Variants in CD52 observed in about 807,000 individuals in gnomAD.
CD52 encodes CAMPATH-1 antigen.
CD52 carries 2 observed loss-of-function variants against 2.5 expected under a neutral mutation model. The ratio of observed to expected loss-of-function variants is 0.79; its 90% CI spans 0.32 to 2.48. The LOEUF (loss-of-function observed/expected upper bound fraction) is 2.48, where lower values mean the gene tolerates loss of function less well. Among genes scored for constraint, CD52 ranks in the 30% most tolerant of loss-of-function variants. CD52 has a pLI of 0.11. For missense variants in CD52, 62 were observed against 75.8 expected (o/e 0.82, Z 0.68); for synonymous variants, 24 against 27.7 (o/e 0.87, Z 0.42).
At position 26,320,237 on chromosome 1, in the gene CD52, A is replaced by T. The variant is rs2073840452; in HGVS notation, c.121A>T (p.Ile41Leu). ...CAGCAGCCCCTCAGCATCCAGCAAC[A>T]TAAGCGGAGGCATTTTCCTTTTCTT... ...QTSSPSASSN[I>L]SGGIFLFFVA... The change falls in exon 2 of 2, where the codon ATA becomes TTA. Residue 41 changes from isoleucine (I) to leucine (L), a missense_variant. Ile to Leu is a conservative substitution (Grantham distance 5, BLOSUM62 2). Coordinates refer to ENST00000374213, the MANE Select transcript of CD52 (RefSeq NM_001803.3). 6.2e-7 allele frequency: 1 copy of T among 1,613,804 alleles called. No individual in the cohort carries two copies. Among genetic ancestry groups the T allele is most frequent in the African/African-American group, 1.3e-5 (1 of 74,978 alleles).
rs146201400 is a variant in CD52 at position 26,319,464 on chromosome 1, G to GAA, written c.55-694_55-693dup. On this transcript the variant is annotated intron_variant, in intron 1 of 1. Transcript: ENST00000374213. ...GGCGACAGAGCAAGACTCTGTCTCGGAAAAAAAAAAAAAATTAGCTGGGCG... is the reference window on the plus strand; with the variant it reads ...GGCGACAGAGCAAGACTCTGTCTCGGAAAAAAAAAAAAAAAATTAGCTGGGCG... 3.9e-3 allele frequency among the ~76,000 whole-genome samples: 525 copies of GAA among 134,156 alleles called. 9 individuals are homozygous for GAA. The highest frequency in any genetic ancestry group is 0.025 in the East Asian group (113 of 4,506). The allele number at this position is 134,156 out of a possible 152,430, so 88.0% of individuals were successfully genotyped here. A position where few individuals can be genotyped will look rare whatever the true frequency, so the allele number is the denominator to read the frequency against.
At position 26,320,135 on chromosome 1, in the gene CD52, A is replaced by G. The variant is rs778940482; in HGVS notation, c.55-36A>G. ...ACTCCACCTCTAAAAAAAAAAAAAA[A>G]AGTCCCCTGATCTTATCCCACTTCT... is the stretch of plus-strand genomic sequence containing the variant. On this transcript the variant is annotated intron_variant, in intron 1 of 1. Transcript: ENST00000374213. The G allele has an allele frequency of 7.6e-6, 12 of 1,579,652 alleles. No individual in the cohort carries two copies. In the African/African-American group the frequency reaches 1.5e-4, roughly 20 times the overall value.
At position 26,320,043 on chromosome 1, in the gene CD52, C is replaced by G. The variant is rs2073837095; in HGVS notation, c.55-128C>G. ...GCTGAGGCAGGAGAATCACTTGAAC[C>G]CGGGAGGTGGAGGATGCAGTGAGCC... On this transcript the variant is annotated intron_variant, in intron 1 of 1. Coordinates refer to ENST00000374213, the MANE Select transcript of CD52 (RefSeq NM_001803.3). 9.6e-6 allele frequency: 11 copies of G among 1,149,636 alleles called. No individual in the cohort carries two copies. The South Asian group carries it at 1.6e-4, about 17-fold the overall frequency. The allele number at this position is 1,149,636 out of a possible 1,614,324, so 71.2% of individuals were successfully genotyped here.
chr1:26,318,038 CCTA>C lies in CD52; in HGVS notation c.24_26del (p.Leu9del). The C allele has an allele frequency of 6.2e-7, 1 of 1,614,200 alleles. No individual in the cohort carries two copies. The highest frequency in any genetic ancestry group is 2.2e-5 in the East Asian group (1 of 44,886). On this transcript the variant is annotated inframe_deletion, in exon 1 of 2. Transcript: ENST00000374213. ...CCAAAATGAAGCGCTTCCTCTTCCTCCTACTCACCATCAGCCTCCTGGTTATGG... is the reference window on the plus strand; with the variant it reads ...CCAAAATGAAGCGCTTCCTCTTCCTCCTCACCATCAGCCTCCTGGTTATGG...
In CD52 at chr1:26,318,151, C is replaced by T. The variant is rs933411620; in HGVS notation, c.54+80C>T. 3 of 1,160,896 alleles carry T rather than the reference C, an allele frequency of 2.6e-6. No individual in the cohort carries two copies. The African/African-American group carries it at 4.6e-5, about 18-fold the overall frequency. 71.9% of individuals were successfully genotyped at this position (1,160,896 alleles called of 1,614,324 possible). On this transcript the variant is annotated intron_variant, in intron 1 of 1. Transcript: ENST00000374213. Reference sequence around the variant, plus strand: ...AGGGAGGGCATACAGGATGTGAGCTCCCAGAGACCCAGCCTTCTCTCCTGA... The same window carrying T: ...AGGGAGGGCATACAGGATGTGAGCTTCCAGAGACCCAGCCTTCTCTCCTGA...
rs1190995951 is a variant in CD52 at position 26,320,161 on chromosome 1, C to T, written c.55-10C>T. 6.2e-7 allele frequency: 1 copy of T among 1,608,880 alleles called. No homozygotes were observed. Among genetic ancestry groups the T allele is most frequent in the Non-Finnish European group, 8.5e-7 (1 of 1,178,576 alleles). On this transcript the variant is annotated splice_polypyrimidine_tract_variant and intron_variant, in intron 1 of 1. Transcript: ENST00000374213. ...AGTCCCCTGATCTTATCCCACTTCT[C>T]CTCCTACAGATACAAACTGGACTCT...
intron 1 of CD52, chr1:26,318,363 T>G: frequency 2.8e-6 from 1 of 357,052 alleles, no homozygotes; most frequent in East Asian, 4.8e-5. Context: ...TGTGGAATAA[T>G]AGAGAACTAA....
At chr1:26,318,390 AC>A in intron 1 of CD52, 1 of 260,886 alleles carries the variant, frequency 3.8e-6, no homozygotes, top group South Asian at 7.3e-5. Context: ...TGGGAAGACA[AC>A]CCTGAGTGAG....
At position 26,320,484 on chromosome 1, in the gene CD52, T is replaced by A; in HGVS notation, c.*182T>A. 1 of 696,640 alleles carries A rather than the reference T, an allele frequency of 1.4e-6. No homozygotes were observed. Among genetic ancestry groups the A allele is most frequent in the Non-Finnish European group, 2.3e-6 (1 of 435,260 alleles). The allele number at this position is 696,640 out of a possible 1,614,324, so 43.2% of individuals were successfully genotyped here. A position where few individuals can be genotyped will look rare whatever the true frequency, so the allele number is the denominator to read the frequency against. On this transcript the variant is annotated 3_prime_UTR_variant, in exon 2 of 2. Transcript: ENST00000374213. ...GGGTAATGATGTAGGGGCCAAGCAGTGCCCAGCTGGGGGTCAATAAAGTTA... is the reference window on the plus strand; with the variant it reads ...GGGTAATGATGTAGGGGCCAAGCAGAGCCCAGCTGGGGGTCAATAAAGTTA...
At chr1:26,319,896 TGGATCAC>T (rs2073835743) in intron 1 of CD52, among the ~76,000 whole-genome samples, 2 of 151,658 alleles carry the variant, frequency 1.3e-5, no homozygotes, top group Middle Eastern at 3.2e-3. Flanking sequence ...CCGAGGCGGG[TGGATCAC>T]CAGGTCAGGA....
In CD52 at chr1:26,320,494, G is replaced by T; in HGVS notation, c.*192G>T. 1.5e-6 allele frequency: 1 copy of T among 648,080 alleles called. No homozygotes were observed. The highest frequency in any genetic ancestry group is 2.5e-6 in the Non-Finnish European group (1 of 397,014). 40.1% of individuals were successfully genotyped at this position (648,080 alleles called of 1,614,324 possible). On this transcript the variant is annotated 3_prime_UTR_variant, in exon 2 of 2. Coordinates refer to ENST00000374213, the MANE Select transcript of CD52 (RefSeq NM_001803.3). ...GTAGGGGCCAAGCAGTGCCCAGCTG[G>T]GGGTCAATAAAGTTACCCTTGTACT...
At chr1:26,319,537 G>C (rs1013004184) in intron 1 of CD52, among the ~76,000 whole-genome samples, 5 of 151,568 alleles carry the variant, frequency 3.3e-5, no homozygotes, top group Non-Finnish European at 4.4e-5. Context: ...TTGAGGGGTG[G>C]AGGTTGCAGT....
chr1:26,320,001 T>C lies in CD52; in HGVS notation c.55-170T>C, dbSNP rs185385387. Among the ~76,000 whole-genome samples, 93 of 151,402 alleles carry C rather than the reference T, an allele frequency of 6.1e-4. No individual in the cohort carries two copies. The East Asian group carries it at 0.016, about 25-fold the overall frequency. ...CGGGCGTGGTGGCACGTGCCTATAG[T>C]CCCAGCTACTCAGGAGGCTGAGGCA... On this transcript the variant is annotated intron_variant, in intron 1 of 1. Coordinates refer to ENST00000374213, the MANE Select transcript of CD52 (RefSeq NM_001803.3).
chr1:26,320,122 A>G lies in CD52; in HGVS notation c.55-49A>G, dbSNP rs757244037. The G allele has an allele frequency of 2.6e-5, 19 of 743,256 alleles. No individual in the cohort carries two copies. The South Asian group carries it at 4.6e-4, about 18-fold the overall frequency. The allele number at this position is 743,256 out of a possible 1,614,324, so 46.0% of individuals were successfully genotyped here. On this transcript the variant is annotated intron_variant, in intron 1 of 1. Transcript: ENST00000374213. ...GTGACAGAGTGAGACTCCACCTCTA[A>G]AAAAAAAAAAAAAAGTCCCCTGATC...
rs754442377 is a variant in CD52, at chr1:26,320,325, C to T, written c.*23C>T. ...TGAGGTGACACGTCTCAGCCTTAGC[C>T]CTGTGCCCCCTGAAACAGCTGCCAC... On this transcript the variant is annotated 3_prime_UTR_variant, in exon 2 of 2. Transcript: ENST00000374213. 1 of 1,589,426 alleles carries T rather than the reference C, an allele frequency of 6.3e-7. No homozygotes were observed. Among genetic ancestry groups the T allele is most frequent in the Admixed American group, 1.9e-5 (1 of 53,228 alleles).
chr1:26,320,294 T>C lies in CD52; in HGVS notation c.178T>C (p.Phe60Leu). 6.2e-7 allele frequency: 1 copy of C among 1,612,024 alleles called. No homozygotes were observed. Among genetic ancestry groups the C allele is most frequent in the African/African-American group, 1.3e-5 (1 of 74,732 alleles). Residue 60 changes from phenylalanine to leucine, a missense_variant, in exon 2 of 2, where the codon TTC (phenylalanine) becomes CTC (leucine). Physicochemically the swap from Phe to Leu is conservative, Grantham distance 22. Transcript: ENST00000374213. ...CAATGCCATAATCCACCTCTTCTGC[T>C]TCAGTTGAGGTGACACGTCTCAGCC... ...VANAIIHLFCFS is the reference protein window; with the variant it reads ...VANAIIHLFCLS
rs549858396 is a variant in CD52 at position 26,318,000 on chromosome 1, C to T, written c.-18C>T. 1.2e-6 allele frequency: 2 copies of T among 1,613,646 alleles called. No homozygotes were observed. The highest frequency in any genetic ancestry group is 1.3e-5 in the African/African-American group (1 of 75,034). The stretch of plus-strand genomic sequence containing the variant: ...CCTAAAAAGCTGCTACCAAGACAGC[C>T]ACGAAGATCCTACCAAAATGAAGCG... On this transcript the variant is annotated 5_prime_UTR_variant, in exon 1 of 2. Coordinates refer to ENST00000374213, the MANE Select transcript of CD52 (RefSeq NM_001803.3).
intron 1 of CD52, among the ~76,000 whole-genome samples, chr1:26,319,600 T>C (rs1177722341): frequency 6.6e-6 from 1 of 151,612 alleles, no homozygotes; most frequent in Non-Finnish European, 1.5e-5. Flanking sequence ...CGAAACTCTA[T>C]CTCAAAAAAA....
chr1:26,317,974 AC>A lies in CD52; in HGVS notation c.-42del. 1 of 1,583,808 alleles carries A rather than the reference AC, an allele frequency of 6.3e-7. No homozygotes were observed. Among genetic ancestry groups the A allele is most frequent in the Non-Finnish European group, 8.7e-7 (1 of 1,152,526 alleles). ...GAAGCCTCCAGACAGCCCTGAGATC[AC>A]CTAAAAAGCTGCTACCAAGACAGCC... On this transcript the variant is annotated 5_prime_UTR_variant, in exon 1 of 2. Coordinates refer to ENST00000374213, the MANE Select transcript of CD52 (RefSeq NM_001803.3).
Sources: allele counts gnomAD v4.1 joint callset (sites outside exome capture counted in the v4.1 genomes callset), GRCh38; gene constraint gnomAD v4.1.1; transcripts MANE v1.5; gene names NCBI Gene and HGNC (gene_info 2026-07-23, HGNC 2026-07-21).